Variants in PRUNE2 observed in about 807,000 individuals in gnomAD.
The protein encoded by PRUNE2 is protein prune homolog 2.
A neutral mutation model predicts 252.0 loss-of-function variants in PRUNE2; 164 were observed. That is an observed-to-expected ratio of 0.65 (90% CI 0.57 to 0.74). The LOEUF (loss-of-function observed/expected upper bound fraction) is 0.74. PRUNE2 is among the 30% of genes least tolerant of loss of function. The probability of loss-of-function intolerance (pLI) is 0.00; values close to 1 mark genes in which losing one functional copy is unlikely to be tolerated. For synonymous variants in PRUNE2, 1,292 were observed against 1,350.2 expected, an observed-to-expected ratio of 0.96 and a Z score of 0.94; for missense variants, 3,495 against 3,711.0, an observed-to-expected ratio of 0.94 and a Z score of 1.51.
intron 3 of PRUNE2, 129 bp downstream of exon 3, chr9:76,850,334 A>G: frequency 1.4e-6 from 1 of 733,434 alleles, no homozygotes; most frequent in Non-Finnish European, 2.3e-6. Context: ...GGCGTGAGCC[A>G]CCATGACCAG....
chr9:76,837,459 TAATAA>T (rs2059082757), intron 4 of PRUNE2, among the ~76,000 whole-genome samples: 3 of 89,912 alleles, frequency 3.3e-5, no homozygotes, highest in Admixed American at 1.2e-4. Context: ...ATAATAATAA[TAATAA>T]TAATAATAAT....
At chr9:76,794,076 T>C (rs2131434767) in intron 6 of PRUNE2, among the ~76,000 whole-genome samples, 1 of 152,340 alleles carries the variant, frequency 6.6e-6, no homozygotes, top group African/African-American at 2.4e-5. Flanking sequence ...CCTACTTTAA[T>C]AAGCCTAGTT....
At position 76,705,471 on chromosome 9, in the gene PRUNE2, T is replaced by A; in HGVS notation, c.6803A>T (p.Asp2268Val). The A allele has an allele frequency of 6.2e-7, 1 of 1,613,952 alleles. No individual in the cohort carries two copies. The highest frequency in any genetic ancestry group is 8.5e-7 in the Non-Finnish European group (1 of 1,179,846). ...ESQPGARALF[D>V]GDPHLSTENP... ...CTCTGTGGATAAATGTGGATCACCA[T>A]CAAACAAAGCTCTTGCACCAGGCTG... The change falls in exon 8 of 19, where the codon GAT becomes GTT. Residue 2268 changes from aspartate to valine, a missense_variant. Physicochemically the swap from Asp to Val is radical, Grantham distance 152 (BLOSUM62 -3). Transcript: ENST00000376718.
intron 1 of PRUNE2, among the ~76,000 whole-genome samples, chr9:76,889,984 T>G (rs1203007936): frequency 6.6e-6 from 1 of 152,196 alleles, no homozygotes; most frequent in Non-Finnish European, 1.5e-5. Context: ...GTGACTCCAA[T>G]AGGCATTAAA....
chr9:76,706,417 T>C lies in PRUNE2; in HGVS notation c.5857A>G (p.Thr1953Ala). 1 of 1,613,984 alleles carries C rather than the reference T, an allele frequency of 6.2e-7. No individual in the cohort carries two copies. Among genetic ancestry groups the C allele is most frequent in the Non-Finnish European group, 8.5e-7 (1 of 1,179,878 alleles). The change falls in exon 8 of 19, where the codon ACA (threonine) becomes GCA (alanine). Residue 1953 changes from threonine to alanine, a missense_variant. By Grantham distance (58) the Thr-to-Ala change is moderately conservative. Coordinates refer to ENST00000376718, the MANE Select transcript of PRUNE2 (RefSeq NM_015225.3). The stretch of plus-strand genomic sequence containing the variant: ...TCCTGACACTGCTCTTGGGTAGGTG[T>C]TTCAGGAGTCAGCTCATCACCAGCA... Reference protein sequence around the residue: ...SAAGDELTPETPTQEQCQDTM... With the variant: ...SAAGDELTPEAPTQEQCQDTM...
chr9:76,819,406 A>G (rs1024511468), intron 6 of PRUNE2: 8 of 152,224 alleles, frequency 5.3e-5, no homozygotes, highest in African/African-American at 1.7e-4. Context: ...CTATGCACCA[A>G]GAACACTACA....
chr9:76,793,723 AC>A (rs2055779589), intron 6 of PRUNE2, among the ~76,000 whole-genome samples: 1 of 151,760 alleles, frequency 6.6e-6, no homozygotes, highest in South Asian at 2.1e-4. Flanking sequence ...CTGTTCCTAC[AC>A]CCTGCCCATT....
At chr9:76,686,859 A>G (rs532443608) in intron 9 of PRUNE2, among the ~76,000 whole-genome samples, 2 of 152,260 alleles carry the variant, frequency 1.3e-5, no homozygotes, top group African/African-American at 4.8e-5. Context: ...TCGCCTCCTG[A>G]GTAAGTGGGA....
chr9:76,869,239 G>C (rs2061041475), intron 1 of PRUNE2: 1 of 152,258 alleles, frequency 6.6e-6, no homozygotes, highest in South Asian at 2.1e-4. Flanking sequence ...AGACATGGCA[G>C]TAATGAATAG....
At position 76,705,054 on chromosome 9, in the gene PRUNE2, C is replaced by T. The variant is rs778291749; in HGVS notation, c.7220G>A (p.Ser2407Asn). 1 of 1,613,992 alleles carries T rather than the reference C, an allele frequency of 6.2e-7. No individual in the cohort carries two copies. Among genetic ancestry groups the T allele is most frequent in the South Asian group, 1.1e-5 (1 of 91,086 alleles). Reference sequence around the variant, plus strand: ...CCCAGCTTCCTCTATTGTTTCAGCACTCTGGGCAGGTTCTGTGAGATAAGA... The same window carrying T: ...CCCAGCTTCCTCTATTGTTTCAGCATTCTGGGCAGGTTCTGTGAGATAAGA... ...DLSYLTEPAQ[S>N]AETIEEAGSP... The change falls in exon 8 of 19, where the codon AGT (serine) becomes AAT (asparagine). Residue 2407 changes from serine (S) to asparagine (N), a missense_variant. By Grantham distance (46) the Ser-to-Asn change is conservative (BLOSUM62 1). Transcript: ENST00000376718.
intron 1 of PRUNE2, among the ~76,000 whole-genome samples, chr9:76,858,497 C>T (rs866469081): frequency 1.3e-5 from 2 of 152,070 alleles, no homozygotes. Context: ...TCTCAGCAAA[C>T]TAATACAGGA....
chr9:76,865,049 T>C (rs1377703059), intron 1 of PRUNE2, among the ~76,000 whole-genome samples: 2 of 152,198 alleles, frequency 1.3e-5, no homozygotes, highest in Non-Finnish European at 2.9e-5. Context: ...TTATTTAGAT[T>C]TGCTGAAGTT....
At position 76,814,570 on chromosome 9, in the gene PRUNE2, A is replaced by T. The variant is rs557262719; in HGVS notation, c.756+9062T>A. On this transcript the variant is annotated intron_variant, in intron 6 of 18. Transcript: ENST00000376718. ...AGGTTTTGGGGGTGACCTGCTACACAGCAATAGATAACTGAAACACCATTT... is the reference window on the plus strand; with the variant it reads ...AGGTTTTGGGGGTGACCTGCTACACTGCAATAGATAACTGAAACACCATTT... 3.9e-5 allele frequency among the ~76,000 whole-genome samples: 6 copies of T among 152,330 alleles called. No individual in the cohort carries two copies. In the East Asian group the frequency reaches 1.2e-3, roughly 29 times the overall value.
Position 76,708,410 on chromosome 9 carries a change from T to G in PRUNE2, c.3864A>C (p.Thr1288=). The G allele has an allele frequency of 6.2e-7, 1 of 1,613,918 alleles. No homozygotes were observed. Among genetic ancestry groups the G allele is most frequent in the Non-Finnish European group, 8.5e-7 (1 of 1,179,880 alleles). ...ALISHLDKQD[T]ERETLQSDAA... ...CATCACTTTGCAGGGTTTCCCTCTCTGTGTCCTGCTTGTCAAGATGAGATA... is the reference window on the plus strand; with the variant it reads ...CATCACTTTGCAGGGTTTCCCTCTCGGTGTCCTGCTTGTCAAGATGAGATA... Residue 1288 remains threonine, a synonymous_variant, in exon 8 of 19, where the codon ACA becomes ACC. Coordinates refer to ENST00000376718, the MANE Select transcript of PRUNE2 (RefSeq NM_015225.3).
At chr9:76,849,644 G>A (rs1052762684) in intron 3 of PRUNE2, among the ~76,000 whole-genome samples, 4 of 152,032 alleles carry the variant, frequency 2.6e-5, no homozygotes, top group African/African-American at 9.7e-5. Context: ...TGGCCAACAT[G>A]GTGAAACCCC....
chr9:76,827,341 A>C (rs1423673777), intron 4 of PRUNE2, among the ~76,000 whole-genome samples: 1 of 152,184 alleles, frequency 6.6e-6, no homozygotes, highest in Non-Finnish European at 1.5e-5. Flanking sequence ...CTGGGTCTAA[A>C]TCACAGGTTT....
intron 9 of PRUNE2, among the ~76,000 whole-genome samples, chr9:76,691,142 G>C (rs2044680376): frequency 1.3e-5 from 2 of 152,202 alleles, no homozygotes; most frequent in South Asian, 2.1e-4. Flanking sequence ...GAGGGGCGCA[G>C]GGCAGCCATC....
At chr9:76,855,425 CTATTT>C (rs1210506941) in intron 1 of PRUNE2, among the ~76,000 whole-genome samples, 1 of 150,058 alleles carries the variant, frequency 6.7e-6, no homozygotes, top group African/African-American at 2.5e-5. Context: ...TTGCTCATGA[CTATTT>C]TAATTAAAAA....
intron 6 of PRUNE2, among the ~76,000 whole-genome samples, chr9:76,767,684 T>A (rs1376448719): frequency 6.6e-6 from 1 of 152,206 alleles, no homozygotes; most frequent in African/African-American, 2.4e-5. Flanking sequence ...CCTCATCTCT[T>A]GACCCTATTT....
Sources: allele counts gnomAD v4.1 joint callset (sites outside exome capture counted in the v4.1 genomes callset), GRCh38; gene constraint gnomAD v4.1.1; transcripts MANE v1.5; gene names NCBI Gene and HGNC (gene_info 2026-07-23, HGNC 2026-07-21).